ADK: variants seen among roughly 807,000 people sequenced by gnomAD.
The protein encoded by ADK is N6,N6-dimethyladenosine kinase.
In ADK, 24 loss-of-function variants were observed where a neutral mutation model predicts 44.7. The observed-to-expected ratio is 0.54, with a 90% confidence interval of 0.39 to 0.76. The LOEUF (loss-of-function observed/expected upper bound fraction) is 0.76, where lower values mean the gene tolerates loss of function less well. Ranked by LOEUF, ADK falls within the 30% of genes least tolerant of loss-of-function variation. The pLI is 0.00. For synonymous variants in ADK, 128 were observed against 142.6 expected (o/e 0.90, Z 0.73); for missense variants, 321 against 425.1 (o/e 0.76, Z 2.15).
chr10:74,546,374 CT>C (rs1849819154), intron 7 of ADK, among the ~76,000 whole-genome samples: 1 of 152,042 alleles, frequency 6.6e-6, no homozygotes, highest in Non-Finnish European at 1.5e-5. Flanking sequence ...AGAGATAGGC[CT>C]TTTCTAGAAA....
At chr10:74,166,644 G>A (rs945934245) in intron 1 of ADK, among the ~76,000 whole-genome samples, 6 of 143,342 alleles carry the variant, frequency 4.2e-5, no homozygotes, top group South Asian at 4.3e-4. Context: ...CCAAGATTGC[G>A]CCACTGCACT....
At chr10:74,507,762 G>A (rs1271261456) in intron 6 of ADK, among the ~76,000 whole-genome samples, 3 of 152,146 alleles carry the variant, frequency 2.0e-5, no homozygotes, top group Non-Finnish European at 1.5e-5. Flanking sequence ...TTCCCTTTAA[G>A]GTTATGGTCA....
intron 6 of ADK, chr10:74,423,728 C>T: frequency 4.5e-6 from 2 of 444,836 alleles, no homozygotes; most frequent in Non-Finnish European, 9.0e-6. Flanking sequence ...AGCTCCTTCA[C>T]CCATTTCTTG....
chr10:74,356,265 G>A (rs1022198416), intron 4 of ADK, among the ~76,000 whole-genome samples: 3 of 151,460 alleles, frequency 2.0e-5, no homozygotes, highest in Admixed American at 6.6e-5. Flanking sequence ...TGATCCACCC[G>A]CCTCGGCCTC....
chr10:74,679,926 C>G (rs1855540475), intron 10 of ADK, among the ~76,000 whole-genome samples: 1 of 151,980 alleles, frequency 6.6e-6, no homozygotes, highest in South Asian at 2.1e-4. Context: ...CCACCACACT[C>G]TAGCCTGGGC....
chr10:74,356,730 T>C (rs1433094370), intron 4 of ADK, among the ~76,000 whole-genome samples: 2 of 152,246 alleles, frequency 1.3e-5, no homozygotes, highest in African/African-American at 4.8e-5. Context: ...GTATAACTTC[T>C]ATGTAAACAT....
chr10:74,206,934 G>A (rs1843620362), intron 2 of ADK, among the ~76,000 whole-genome samples: 1 of 152,144 alleles, frequency 6.6e-6, no homozygotes, highest in African/African-American at 2.4e-5. Flanking sequence ...GGCTTGTTCT[G>A]CTTGTTTGGC....
chr10:74,537,276 A>G (rs1431836543), intron 7 of ADK, among the ~76,000 whole-genome samples: 1 of 152,228 alleles, frequency 6.6e-6, no homozygotes, highest in Non-Finnish European at 1.5e-5. Flanking sequence ...TGCATTTTGT[A>G]CTTTTAAATT....
intron 3 of ADK, among the ~76,000 whole-genome samples, chr10:74,302,121 T>TG (rs1564642342): frequency 4.3e-4 from 41 of 96,028 alleles, no homozygotes; most frequent in African/African-American, 1.6e-3. Context: ...TTTTTTTTTT[T>TG]TTTTTTTTTT....
chr10:74,305,763 G>T (rs777722388), intron 3 of ADK, among the ~76,000 whole-genome samples: 5 of 150,052 alleles, frequency 3.3e-5, no homozygotes, highest in Non-Finnish European at 7.4e-5. Flanking sequence ...TTCTTGCTTT[G>T]TGGTTCAGGC....
intron 6 of ADK, among the ~76,000 whole-genome samples, chr10:74,470,056 G>C: frequency 8.5e-6 from 1 of 118,338 alleles, no homozygotes; most frequent in Non-Finnish European, 1.7e-5. Flanking sequence ...ATGGAGTCTT[G>C]CTGTGTCACC....
chr10:74,573,970 A>G (rs1315483980), intron 7 of ADK, among the ~76,000 whole-genome samples: 2 of 152,164 alleles, frequency 1.3e-5, no homozygotes, highest in African/African-American at 2.4e-5. Context: ...GAGTGAGGCA[A>G]TGCCTCGCCC....
At chr10:74,249,081 G>A (rs1845544018) in intron 3 of ADK, among the ~76,000 whole-genome samples, 1 of 152,060 alleles carries the variant, frequency 6.6e-6, no homozygotes, top group Non-Finnish European at 1.5e-5. Flanking sequence ...GCCAAAATTT[G>A]TGTGAAATTC....
intron 10 of ADK, among the ~76,000 whole-genome samples, chr10:74,697,646 G>A (rs1311614232): frequency 6.6e-6 from 1 of 152,120 alleles, no homozygotes; most frequent in Admixed American, 6.5e-5. Context: ...GACTCATAAA[G>A]ACTTTGTTCA....
intron 10 of ADK, among the ~76,000 whole-genome samples, chr10:74,693,773 A>G (rs1275428827): frequency 6.6e-6 from 1 of 152,216 alleles, no homozygotes; most frequent in African/African-American, 2.4e-5. Context: ...AGTAAAATAC[A>G]GGAAATAGTG....
chr10:74,550,799 AT>A (rs1210608689), intron 7 of ADK, among the ~76,000 whole-genome samples: 1 of 152,208 alleles, frequency 6.6e-6, no homozygotes, highest in Non-Finnish European at 1.5e-5. Context: ...ACTTATTAAT[AT>A]TCATTTGAAT....
chr10:74,506,665 A>G, intron 6 of ADK: 1 of 152,268 alleles, frequency 6.6e-6, no homozygotes. Context: ...CATTTTATGC[A>G]GTTAGGATTT....
chr10:74,689,548 C>T (rs1326370814), intron 10 of ADK, among the ~76,000 whole-genome samples: 1 of 152,198 alleles, frequency 6.6e-6, no homozygotes, highest in East Asian at 1.9e-4. Flanking sequence ...ACATCACACT[C>T]TCAAACTTAC....
intron 9 of ADK, among the ~76,000 whole-genome samples, chr10:74,657,322 C>G (rs771301676): frequency 6.6e-6 from 1 of 152,168 alleles, no homozygotes; most frequent in Non-Finnish European, 1.5e-5. Context: ...AGAATGTGTT[C>G]AGCACAGTTA....
Sources: allele counts gnomAD v4.1 joint callset (sites outside exome capture counted in the v4.1 genomes callset), GRCh38; gene constraint gnomAD v4.1.1; transcripts MANE v1.5; gene names NCBI Gene and HGNC (gene_info 2026-07-23, HGNC 2026-07-21).